FNDC1: variants seen among roughly 807,000 people sequenced by gnomAD.
The protein encoded by FNDC1 is fibronectin type III domain-containing protein 1.
Under a neutral mutation model 168.0 loss-of-function variants are expected in FNDC1, and 96 were observed. The ratio of observed to expected loss-of-function variants is 0.57; its 90% CI spans 0.48 to 0.68. The LOEUF (loss-of-function observed/expected upper bound fraction) is 0.68, where lower values mean the gene tolerates loss of function less well. Ranked by LOEUF, FNDC1 falls within the 30% of genes least tolerant of loss-of-function variation. FNDC1 has a pLI of 0.00. For missense variants in FNDC1, 2,587 were observed against 2,482.1 expected (o/e 1.04, Z -0.90); for synonymous variants, 1,099 against 1,025.9 (o/e 1.07, Z -1.36).
intron 15 of FNDC1, among the ~76,000 whole-genome samples, chr6:159,247,750 A>C (rs966125099): frequency 5.9e-5 from 9 of 151,546 alleles, no homozygotes; most frequent in African/African-American, 2.2e-4. Flanking sequence ...AACAAAAAAA[A>C]CACTTTTTTT....
intron 6 of FNDC1, among the ~76,000 whole-genome samples, chr6:159,222,984 A>AT (rs201310702): frequency 0.021 from 2,394 of 116,396 alleles, 248 homozygotes; most frequent in Non-Finnish European, 0.036. Flanking sequence ...TGAAATACTC[A>AT]TTTTTTTTTT....
In FNDC1 at chr6:159,228,012, G is replaced by T. The variant is rs2114984039; in HGVS notation, c.1180+1432G>T. 2.7e-5 allele frequency among the ~76,000 whole-genome samples: 4 copies of T among 148,936 alleles called. No individual in the cohort carries two copies. In the South Asian group the frequency reaches 8.5e-4, roughly 32 times the overall value. On this transcript the variant is annotated intron_variant, in intron 9 of 22. Coordinates refer to ENST00000297267, the MANE Select transcript of FNDC1 (RefSeq NM_032532.3). ...TTAAGTATTGTTGTGCTGCCGAGAA[G>T]ACCTCTGAAAATTGAATAAAGACTT...
chr6:159,203,150 C>T (rs1429439470), intron 4 of FNDC1, among the ~76,000 whole-genome samples: 1 of 152,196 alleles, frequency 6.6e-6, no homozygotes, highest in Admixed American at 6.5e-5. Context: ...CTCATTTTAA[C>T]TCACCTCTTT....
At chr6:159,248,986 A>G (rs983623287) in intron 15 of FNDC1, 53 bp from the exon 16 acceptor site, 11 of 1,540,798 alleles carry the variant, frequency 7.1e-6, no homozygotes, top group Non-Finnish European at 8.8e-6. Flanking sequence ...TTGACTATAG[A>G]CAGTGCTCCT....
chr6:159,235,976 C>A (rs1409101370), intron 11 of FNDC1, among the ~76,000 whole-genome samples: 1 of 152,222 alleles, frequency 6.6e-6, no homozygotes, highest in Non-Finnish European at 1.5e-5. Context: ...ACTCTCATTC[C>A]CACAGTATTG....
Position 159,251,542 on chromosome 6 carries a change from A to C in FNDC1, c.5065+10A>C, listed in dbSNP as rs772708112. On this transcript the variant is annotated intron_variant, in intron 17 of 22. Coordinates refer to ENST00000297267, the MANE Select transcript of FNDC1 (RefSeq NM_032532.3). ...GGAGATGTGGTCACAGGTGTGTCCT[A>C]AGCAGAAATCAGAGTTCCCATGATC... 3 of 1,608,988 alleles carry C rather than the reference A, an allele frequency of 1.9e-6. No homozygotes were observed. Among genetic ancestry groups the C allele is most frequent in the South Asian group, 2.2e-5 (2 of 90,332 alleles).
chr6:159,261,512 A>G (rs139122375), intron 19 of FNDC1, among the ~76,000 whole-genome samples: 28 of 152,308 alleles, frequency 1.8e-4, no homozygotes, highest in African/African-American at 6.3e-4. Flanking sequence ...AAAGGAAAAA[A>G]TCTAGATTTC....
intron 4 of FNDC1, among the ~76,000 whole-genome samples, chr6:159,202,986 CCT>C (rs1161383587): frequency 6.6e-6 from 1 of 152,180 alleles, no homozygotes; most frequent in Non-Finnish European, 1.5e-5. Context: ...TTTGATTTCT[CCT>C]GAGGCCTCTA....
intron 1 of FNDC1, among the ~76,000 whole-genome samples, chr6:159,189,666 A>G (rs1471112134): frequency 6.6e-6 from 1 of 151,882 alleles, no homozygotes; most frequent in Non-Finnish European, 1.5e-5. Context: ...CGTTGGAAAG[A>G]CTCTTCCCTG....
intron 1 of FNDC1, among the ~76,000 whole-genome samples, chr6:159,187,153 A>C (rs567004310): frequency 4.6e-5 from 7 of 151,632 alleles, no homozygotes; most frequent in African/African-American, 1.7e-4. Flanking sequence ...ACCAGTGTCC[A>C]CCCTCCCCAG....
rs199539799 is a variant in FNDC1, at chr6:159,233,667, C to T, written c.3155C>T (p.Ser1052Phe). The T allele has an allele frequency of 4.7e-4, 736 of 1,550,630 alleles. 1 individual carries two copies. Among genetic ancestry groups the T allele is most frequent in the Non-Finnish European group, 5.7e-4 (653 of 1,148,416 alleles). The part of the protein sequence containing the change: ...RPTSQGRSHS[S>F]SDPYTASSRG... ...ACGTCGCAGGGCCGCTCCCACTCCTCCTCGGACCCTTACACGGCGAGCTCC... is the reference window on the plus strand; with the variant it reads ...ACGTCGCAGGGCCGCTCCCACTCCTTCTCGGACCCTTACACGGCGAGCTCC... Residue 1052 changes from serine to phenylalanine, a missense_variant, in exon 11 of 23, where the codon TCC becomes TTC. By Grantham distance (155) the Ser-to-Phe change is radical. Transcript: ENST00000297267. The surrounding 1 kb of genome is among the most constrained non-coding windows in gnomAD (Gnocchi z 4.6).
chr6:159,230,464 T>G (rs1039428638), intron 10 of FNDC1, among the ~76,000 whole-genome samples: 2 of 152,232 alleles, frequency 1.3e-5, no homozygotes, highest in Admixed American at 1.3e-4. Context: ...ATGGGTTCAC[T>G]GGAAGCCCAA....
At chr6:159,176,199 G>A (rs928503171) in intron 1 of FNDC1, among the ~76,000 whole-genome samples, 2 of 152,202 alleles carry the variant, frequency 1.3e-5, no homozygotes, top group African/African-American at 2.4e-5. Context: ...GCAAAGCAAG[G>A]GGATTGACCT....
intron 10 of FNDC1, among the ~76,000 whole-genome samples, chr6:159,230,322 C>T (rs550883339): frequency 6.6e-6 from 1 of 152,228 alleles, no homozygotes; most frequent in African/African-American, 2.4e-5. Context: ...GGTAGTGTGA[C>T]ATTTTTCATT....
At chr6:159,221,819 G>A in intron 6 of FNDC1, 123 bp downstream of exon 6, 1 of 804,872 alleles carries the variant, frequency 1.2e-6, no homozygotes, top group Middle Eastern at 2.2e-4. Context: ...AAATAACAGG[G>A]CAAATGTGGT....
chr6:159,222,602 T>C (rs570611634), intron 6 of FNDC1, among the ~76,000 whole-genome samples: 1 of 152,356 alleles, frequency 6.6e-6, no homozygotes, highest in African/African-American at 2.4e-5. Context: ...CTATAAGCTT[T>C]GTGACTGTGA....
rs1777378869 is a variant in FNDC1 at position 159,256,576 on chromosome 6, A to G, written c.5119A>G (p.Thr1707Ala). 6.2e-7 allele frequency: 1 copy of G among 1,614,002 alleles called. No homozygotes were observed. Among genetic ancestry groups the G allele is most frequent in the Non-Finnish European group, 8.5e-7 (1 of 1,179,876 alleles). Reference protein sequence around the residue: ...YEDFIRNKWSTQASSVTHLPI... With the variant: ...YEDFIRNKWSAQASSVTHLPI... ...AGACTTCATCAGGAACAAGTGGTCC[A>G]CTCAAGCTTCATCAGTAACTCACTT... Residue 1707 changes from threonine (T) to alanine (A), a missense_variant, in exon 18 of 23, where the codon ACT becomes GCT. Coordinates refer to ENST00000297267, the MANE Select transcript of FNDC1 (RefSeq NM_032532.3).
At position 159,261,220 on chromosome 6, in the gene FNDC1, T is replaced by C. The variant is rs1562312493; in HGVS notation, c.5205T>C (p.Pro1735=). 3 of 1,613,184 alleles carry C rather than the reference T, an allele frequency of 1.9e-6. No individual in the cohort carries two copies. Among genetic ancestry groups the C allele is most frequent in the Non-Finnish European group, 2.5e-6 (3 of 1,179,588 alleles). ...RYYFKVQAQN[P]HGYGPISPSV... ...ATTTTAAAGTGCAAGCACAAAATCC[T>C]CATGGCTACGGACCTATCAGCCCTT... The change falls in exon 19 of 23, where the codon CCT becomes CCC. Residue 1735 remains proline (P), a synonymous_variant. Coordinates refer to ENST00000297267, the MANE Select transcript of FNDC1 (RefSeq NM_032532.3).
chr6:159,233,462 G>A lies in FNDC1; in HGVS notation c.2950G>A (p.Ala984Thr), dbSNP rs763950052. The change falls in exon 11 of 23, where the codon GCA (alanine) becomes ACA (threonine). Residue 984 changes from alanine to threonine, a missense_variant. By Grantham distance (58) the Ala-to-Thr change is moderately conservative. Transcript: ENST00000297267. This position sits in a 1 kb window ranked among gnomAD's most constrained non-coding sequence, Gnocchi z 4.6. Reference sequence around the variant, plus strand: ...CGCGTCCCCTGCTCGTCCGCCCGCAGCACGGTCACAGCAGCATCCCAGTGT... The same window carrying A: ...CGCGTCCCCTGCTCGTCCGCCCGCAACACGGTCACAGCAGCATCCCAGTGT... ...RHASPARPPA[A>T]RSQQHPSVPR... 7.5e-6 allele frequency: 12 copies of A among 1,606,558 alleles called. No individual in the cohort carries two copies. In the East Asian group the frequency reaches 2.5e-4, roughly 33 times the overall value.
Sources: allele counts gnomAD v4.1 joint callset (sites outside exome capture counted in the v4.1 genomes callset), GRCh38; gene constraint gnomAD v4.1.1; non-coding constraint Gnocchi (gnomAD v3.1); transcripts MANE v1.5; gene names NCBI Gene and HGNC (gene_info 2026-07-23, HGNC 2026-07-21).